The following MBOAT1 variants were observed in gnomAD, a reference collection of about 807,000 sequenced individuals.
MBOAT1 encodes membrane bound glycerophospholipid O-acyltransferase 1.
A neutral mutation model predicts 64.4 loss-of-function variants in MBOAT1; 67 were observed. The observed-to-expected ratio is 1.04, with a 90% confidence interval of 0.85 to 1.27. The LOEUF is 1.27. MBOAT1 is among the 50% of genes most tolerant of loss of function. The pLI, the probability that MBOAT1 is intolerant of heterozygous loss-of-function variation, is 0.00. For missense variants in MBOAT1, 563 were observed against 604.6 expected (o/e 0.93, Z 0.72); for synonymous variants, 229 against 218.9 (o/e 1.05, Z -0.41).
chr6:20,204,335 A>T (rs150623945), intron 1 of MBOAT1, among the ~76,000 whole-genome samples: 1 of 152,342 alleles, frequency 6.6e-6, no homozygotes, highest in Non-Finnish European at 1.5e-5. Flanking sequence ...CCAAGTATCT[A>T]CATGTTTGTC....
intron 3 of MBOAT1, among the ~76,000 whole-genome samples, chr6:20,149,115 AAAAAC>A (rs1216472340): frequency 6.6e-6 from 1 of 151,658 alleles, no homozygotes; most frequent in African/African-American, 2.4e-5. Context: ...AAAAAAAAAA[AAAAAC>A]CAAACAAAAA....
At chr6:20,199,836 C>T (rs1241460725) in intron 1 of MBOAT1, among the ~76,000 whole-genome samples, 2 of 152,180 alleles carry the variant, frequency 1.3e-5, no homozygotes, top group South Asian at 4.1e-4. Flanking sequence ...GGTGTGGTGG[C>T]GGGCACCTAT....
chr6:20,180,332 C>T (rs1762474577), intron 1 of MBOAT1, among the ~76,000 whole-genome samples: 1 of 152,132 alleles, frequency 6.6e-6, no homozygotes, highest in Non-Finnish European at 1.5e-5. Context: ...TTGATGTCCT[C>T]CTACTTGCTC....
chr6:20,120,549 A>ATCCCAGCTAC (rs2113643805), intron 8 of MBOAT1, among the ~76,000 whole-genome samples: 1 of 152,214 alleles, frequency 6.6e-6, no homozygotes, highest in South Asian at 2.1e-4. Context: ...GGCACTTGCA[A>ATCCCAGCTAC]TCCCAGCTAC....
intron 1 of MBOAT1, among the ~76,000 whole-genome samples, chr6:20,209,895 C>G (rs1581473504): frequency 6.6e-6 from 1 of 152,190 alleles, no homozygotes; most frequent in Admixed American, 6.5e-5. Context: ...GAGGTTCTCT[C>G]TCTGATTCTT....
At position 20,112,905 on chromosome 6, in the gene MBOAT1, C is replaced by T. The variant is rs1410689154; in HGVS notation, c.1180G>A (p.Gly394Arg). ...CTAGCTGCTAATGTGACAAGAATTCCAGTTAAGAAGGTAAAATAGTATCCA... is the reference window on the plus strand; with the variant it reads ...CTAGCTGCTAATGTGACAAGAATTCTAGTTAAGAAGGTAAAATAGTATCCA... ...YPGYYFTFLT[G>R]ILVTLAARAV... The change falls in exon 11 of 13, where the codon GGA (glycine) becomes AGA (arginine). Residue 394 changes from glycine (G) to arginine (R), a missense_variant. By Grantham distance (125) the Gly-to-Arg change is moderately radical. Transcript: ENST00000324607. 1.2e-6 allele frequency: 2 copies of T among 1,613,932 alleles called. No individual in the cohort carries two copies. Among genetic ancestry groups the T allele is most frequent in the Non-Finnish European group, 1.7e-6 (2 of 1,179,956 alleles).
At chr6:20,116,322 A>G (rs1760317444) in intron 9 of MBOAT1, among the ~76,000 whole-genome samples, 1 of 151,460 alleles carries the variant, frequency 6.6e-6, no homozygotes, top group Admixed American at 6.6e-5. Flanking sequence ...ACATGGCAAG[A>G]CTCCATCTCA....
Position 20,101,159 on chromosome 6 carries a change from A to T in MBOAT1, c.*1127T>A, listed in dbSNP as rs1759776266. On this transcript the variant is annotated 3_prime_UTR_variant, in exon 13 of 13. Transcript: ENST00000324607. ...TATAACTTCAAATTACTTTAAAAAA[A>T]TTTCCTAAAAGGCATTCTGCTGCCT... Among the ~76,000 whole-genome samples the T allele has an allele frequency of 6.6e-6, 1 of 152,176 alleles. No homozygotes were observed. The highest frequency in any genetic ancestry group is 1.5e-5 in the Non-Finnish European group (1 of 68,036).
At chr6:20,103,730 A>G (rs1320893541) in intron 12 of MBOAT1, among the ~76,000 whole-genome samples, 4 of 152,326 alleles carry the variant, frequency 2.6e-5, no homozygotes, top group East Asian at 1.9e-4. Flanking sequence ...CCCGGCCACC[A>G]TGTTTGTTTT....
intron 1 of MBOAT1, among the ~76,000 whole-genome samples, chr6:20,194,284 C>T (rs1444960752): frequency 1.3e-5 from 2 of 152,180 alleles, no homozygotes; most frequent in African/African-American, 4.8e-5. Context: ...ACAGTTAATG[C>T]ACCGATGGTG....
At chr6:20,177,534 G>A (rs980643870) in intron 1 of MBOAT1, among the ~76,000 whole-genome samples, 11 of 152,062 alleles carry the variant, frequency 7.2e-5, no homozygotes, top group Admixed American at 2.6e-4. Context: ...AGCACTTTGG[G>A]AGGCCGAGGT....
intron 1 of MBOAT1, among the ~76,000 whole-genome samples, chr6:20,169,686 G>A (rs1561773969): frequency 1.3e-5 from 2 of 151,608 alleles, no homozygotes; most frequent in Admixed American, 6.6e-5. Context: ...TTTCAAAACC[G>A]GGAAACAAGT....
chr6:20,186,231 G>C (rs957744255), intron 1 of MBOAT1, among the ~76,000 whole-genome samples: 7 of 152,182 alleles, frequency 4.6e-5, no homozygotes, highest in Non-Finnish European at 8.8e-5. Context: ...GGGAGTAAGA[G>C]GGCTGAATTT....
At chr6:20,145,505 C>T (rs1368759743) in intron 3 of MBOAT1, among the ~76,000 whole-genome samples, 2 of 152,216 alleles carry the variant, frequency 1.3e-5, no homozygotes, top group Non-Finnish European at 2.9e-5. Flanking sequence ...TCACCATATT[C>T]ACCTACTGTG....
At chr6:20,172,155 C>G (rs1354718004) in intron 1 of MBOAT1, among the ~76,000 whole-genome samples, 4 of 152,082 alleles carry the variant, frequency 2.6e-5, no homozygotes, top group Non-Finnish European at 5.9e-5. Context: ...TTCCTAGGGT[C>G]CAGGTGCAGT....
At chr6:20,141,309 G>A (rs1761163355) in intron 4 of MBOAT1, among the ~76,000 whole-genome samples, 1 of 151,204 alleles carries the variant, frequency 6.6e-6, no homozygotes, top group Admixed American at 6.6e-5. Flanking sequence ...ATCATCATCA[G>A]CTTTGTATTT....
At chr6:20,132,942 T>G (rs188370967) in intron 4 of MBOAT1, among the ~76,000 whole-genome samples, 5 of 152,336 alleles carry the variant, frequency 3.3e-5, no homozygotes, top group Admixed American at 6.5e-5. Context: ...TCTATTTTCT[T>G]GTCTCATTCC....
intron 9 of MBOAT1, among the ~76,000 whole-genome samples, chr6:20,115,882 G>A (rs993890270): frequency 1.3e-5 from 2 of 151,882 alleles, no homozygotes; most frequent in Non-Finnish European, 2.9e-5. Context: ...ATGCATGAAG[G>A]CATCACAGTA....
chr6:20,130,803 C>T (rs1053262422), intron 5 of MBOAT1, among the ~76,000 whole-genome samples: 8 of 151,952 alleles, frequency 5.3e-5, no homozygotes, highest in Non-Finnish European at 1.2e-4. Flanking sequence ...GAGATTAAAC[C>T]AAAGCTAAAA....
Sources: gnomAD v4.1 joint callset for allele counts (sites outside exome capture counted in the v4.1 genomes callset) on GRCh38, gnomAD v4.1.1 for gene constraint, MANE v1.5 for transcripts, NCBI Gene and HGNC (gene_info 2026-07-23, HGNC 2026-07-21) for gene names.